HTR7: variants seen among roughly 807,000 people sequenced by gnomAD.
HTR7 encodes 5-hydroxytryptamine receptor 7.
In HTR7, 16 loss-of-function variants were observed where a neutral mutation model predicts 34.0. The ratio of observed to expected loss-of-function variants is 0.47; its 90% CI spans 0.32 to 0.71. The LOEUF (loss-of-function observed/expected upper bound fraction) is 0.71, where lower values mean the gene tolerates loss of function less well. Among genes scored for constraint, HTR7 ranks in the 30% least tolerant of loss-of-function variants. HTR7 has a pLI of 0.04. For synonymous variants in HTR7, 265 were observed against 260.2 expected (o/e 1.02, Z -0.18); for missense variants, 504 against 625.5 (o/e 0.81, Z 2.07).
rs542944405 is a variant in HTR7 at position 90,741,665 on chromosome 10, T to C, written c.*817A>G. On this transcript the variant is annotated 3_prime_UTR_variant, in exon 4 of 4. Transcript: ENST00000336152. ...CATGGGTGGGCCCACTGCAGCCTTG[T>C]AGAAAATGAGAGTCAAAAACATGCC... is the stretch of plus-strand genomic sequence containing the variant. 213 of 152,674 alleles carry C rather than the reference T, an allele frequency of 1.4e-3. 1 individual carries two copies. Among genetic ancestry groups the C allele is most frequent in the South Asian group, 3.7e-3 (18 of 4,820 alleles). 9.5% of individuals were successfully genotyped at this position (152,674 alleles called of 1,614,324 possible). A position where few individuals can be genotyped will look rare whatever the true frequency, so the allele number is the denominator to read the frequency against.
intron 1 of HTR7, among the ~76,000 whole-genome samples, chr10:90,762,872 T>C (rs1187199260): frequency 6.6e-6 from 1 of 152,216 alleles, no homozygotes; most frequent in Non-Finnish European, 1.5e-5. Flanking sequence ...TTTTTCAGCA[T>C]CATTTATTGA....
chr10:90,811,345 A>C (rs1008267769), intron 1 of HTR7, among the ~76,000 whole-genome samples: 1 of 151,968 alleles, frequency 6.6e-6, no homozygotes, highest in Non-Finnish European at 1.5e-5. Flanking sequence ...AGCTCTCATA[A>C]TTTCCAAAAT....
intron 1 of HTR7, among the ~76,000 whole-genome samples, chr10:90,777,470 G>A (rs1289654021): frequency 1.5e-5 from 2 of 131,200 alleles, no homozygotes; most frequent in East Asian, 2.2e-4. Context: ...GACAGAGAGA[G>A]ACTCCGTCTC....
At chr10:90,808,066 A>G (rs1380095893) in intron 1 of HTR7, among the ~76,000 whole-genome samples, 1 of 152,166 alleles carries the variant, frequency 6.6e-6, no homozygotes, top group Non-Finnish European at 1.5e-5. Context: ...CAGACTGGGA[A>G]GGCAGCCTTC....
intron 1 of HTR7, among the ~76,000 whole-genome samples, chr10:90,815,693 CTG>C (rs1845889131): frequency 6.6e-6 from 1 of 152,022 alleles, no homozygotes; most frequent in South Asian, 2.1e-4. Flanking sequence ...CGTAACAAAC[CTG>C]CACATCCTGC....
chr10:90,827,778 G>A (rs1371123311), intron 1 of HTR7, among the ~76,000 whole-genome samples: 2 of 152,176 alleles, frequency 1.3e-5, no homozygotes, highest in African/African-American at 4.8e-5. Context: ...TACAATGATA[G>A]CAGGAGACCT....
intron 1 of HTR7, among the ~76,000 whole-genome samples, chr10:90,807,750 T>G (rs1192397140): frequency 1.3e-5 from 2 of 152,240 alleles, no homozygotes; most frequent in Non-Finnish European, 2.9e-5. Context: ...TTTGGTGCCG[T>G]GACTCAGATC....
intron 1 of HTR7, among the ~76,000 whole-genome samples, chr10:90,820,604 C>G (rs1845964173): frequency 6.6e-6 from 1 of 152,166 alleles, no homozygotes; most frequent in Non-Finnish European, 1.5e-5. Context: ...GTACTGTACA[C>G]AGAACAAAAC....
intron 2 of HTR7, among the ~76,000 whole-genome samples, chr10:90,746,362 A>G (rs1156503619): frequency 2.0e-5 from 3 of 152,220 alleles, no homozygotes; most frequent in African/African-American, 7.2e-5. Context: ...AATCAATAAA[A>G]TGATTCTCAA....
chr10:90,781,207 T>C (rs1203626125), intron 1 of HTR7, among the ~76,000 whole-genome samples: 1 of 152,224 alleles, frequency 6.6e-6, no homozygotes, highest in East Asian at 1.9e-4. Context: ...TGTTGATATG[T>C]AATCTTTTCC....
At chr10:90,855,209 G>T (rs1846559894) in intron 1 of HTR7, among the ~76,000 whole-genome samples, 1 of 152,184 alleles carries the variant, frequency 6.6e-6, no homozygotes, top group Non-Finnish European at 1.5e-5. Context: ...ACAATCATAA[G>T]AATACAGTTA....
chr10:90,794,407 T>C (rs1029802313), intron 1 of HTR7, among the ~76,000 whole-genome samples: 2 of 152,232 alleles, frequency 1.3e-5, no homozygotes, highest in African/African-American at 4.8e-5. Context: ...ATTAGAAGTA[T>C]AGTATAGTAA....
Position 90,857,551 on chromosome 10 carries a change from C to A in HTR7, c.121G>T (p.Ala41Ser). The change falls in exon 1 of 4, where the codon GCG becomes TCG. Residue 41 changes from alanine (A) to serine (S), a missense_variant. Physicochemically the swap from Ala to Ser is moderately conservative, Grantham distance 99. Around this residue, in one of 4 missense-constraint regions of HTR7, gnomAD observed 139 missense variants for 117.1 expected, o/e 1.19. Transcript: ENST00000336152. This position sits in a 1 kb window ranked among gnomAD's most constrained non-coding sequence, Gnocchi z 6.5. ...AGCAGGTGCGGCGCCCAGGAGCCCG[C>A]GACCGGGTCGGCGCCACCGTCGGGG... ...LSPDGGADPV[A>S]GSWAPHLLSE... 1 of 1,598,304 alleles carries A rather than the reference C, an allele frequency of 6.3e-7. No individual in the cohort carries two copies. The highest frequency in any genetic ancestry group is 8.5e-7 in the Non-Finnish European group (1 of 1,173,468).
At position 90,742,146 on chromosome 10, in the gene HTR7, T is replaced by C. The variant is rs1844559967; in HGVS notation, c.*336A>G. The C allele has an allele frequency of 5.1e-6, 1 of 194,798 alleles. No individual in the cohort carries two copies. Among genetic ancestry groups the C allele is most frequent in the Non-Finnish European group, 1.0e-5 (1 of 95,636 alleles). 12.1% of individuals were successfully genotyped at this position (194,798 alleles called of 1,614,324 possible). A position where few individuals can be genotyped will look rare whatever the true frequency, so the allele number is the denominator to read the frequency against. On this transcript the variant is annotated 3_prime_UTR_variant, in exon 4 of 4. Coordinates refer to ENST00000336152, the MANE Select transcript of HTR7 (RefSeq NM_019859.4). ...CGCCTAGACTCAGAAGCATGGGAAG[T>C]GTGCACTGGAACTTTCTCCCACTTG...
chr10:90,806,090 T>C (rs1845700782), intron 1 of HTR7, among the ~76,000 whole-genome samples: 1 of 152,174 alleles, frequency 6.6e-6, no homozygotes, highest in African/African-American at 2.4e-5. Context: ...AGATGCGTTT[T>C]GGTAAAGGTT....
rs1190036422 is a variant in HTR7, at chr10:90,742,415, A to G, written c.*67T>C. On this transcript the variant is annotated 3_prime_UTR_variant, in exon 4 of 4. Transcript: ENST00000336152. ...AAGCTGCATTCCATTCTGCAGACTC[A>G]GCAAATGACTTCCTTCTGTTTCCAC... 14 of 1,241,710 alleles carry G rather than the reference A, an allele frequency of 1.1e-5. No homozygotes were observed. The Admixed American group carries it at 1.6e-4, about 15-fold the overall frequency. 76.9% of individuals were successfully genotyped at this position (1,241,710 alleles called of 1,614,324 possible).
chr10:90,833,736 A>G (rs1211565186), intron 1 of HTR7, among the ~76,000 whole-genome samples: 1 of 152,238 alleles, frequency 6.6e-6, no homozygotes, highest in African/African-American at 2.4e-5. Flanking sequence ...GAAGAGACAC[A>G]GGAAATGATT....
At chr10:90,844,779 A>G (rs1470818377) in intron 1 of HTR7, among the ~76,000 whole-genome samples, 2 of 134,636 alleles carry the variant, frequency 1.5e-5, no homozygotes, top group Non-Finnish European at 3.1e-5. Flanking sequence ...AGTCTGGCTC[A>G]GGGGTTCTCA....
intron 1 of HTR7, among the ~76,000 whole-genome samples, chr10:90,806,628 A>T (rs1845711373): frequency 6.6e-6 from 1 of 151,878 alleles, no homozygotes; most frequent in Admixed American, 6.6e-5. Context: ...AATTTAAAAA[A>T]TAAAAAAATA....
Sources: allele counts gnomAD v4.1 joint callset (sites outside exome capture counted in the v4.1 genomes callset), GRCh38; gene constraint gnomAD v4.1.1; regional missense constraint gnomAD v4.1.1; non-coding constraint Gnocchi (gnomAD v3.1); transcripts MANE v1.5; gene names NCBI Gene and HGNC (gene_info 2026-07-23, HGNC 2026-07-21).